ARHGEF11: variants seen among roughly 807,000 people sequenced by gnomAD.
ARHGEF11 encodes Rho guanine nucleotide exchange factor 11, also known as Rho guanine exchange factor (GEF) 11.
In ARHGEF11, 55 loss-of-function variants were observed where a neutral mutation model predicts 193.7. The ratio of observed to expected loss-of-function variants is 0.28; its 90% CI spans 0.23 to 0.36. The LOEUF is 0.36. Ranked by LOEUF, ARHGEF11 falls within the 10% of genes least tolerant of loss-of-function variation. The pLI, the probability that ARHGEF11 is intolerant of heterozygous loss-of-function variation, is 1.00. For synonymous variants in ARHGEF11, 693 were observed against 768.0 expected, an observed-to-expected ratio of 0.90 and a Z score of 1.62; for missense variants, 1,723 against 2,005.6, an observed-to-expected ratio of 0.86 and a Z score of 2.69.
chr1:157,030,066 G>T (rs767370874), intron 1 of ARHGEF11, among the ~76,000 whole-genome samples: 5 of 152,188 alleles, frequency 3.3e-5, no homozygotes, highest in Non-Finnish European at 5.9e-5. Flanking sequence ...AAATTAGACA[G>T]TGATGATGGT....
chr1:157,017,801 T>C (rs563764118), intron 1 of ARHGEF11, among the ~76,000 whole-genome samples: 5 of 151,624 alleles, frequency 3.3e-5, no homozygotes, highest in Non-Finnish European at 2.9e-5. Flanking sequence ...AGAGAGAATC[T>C]AACATCTGCT....
chr1:156,937,173 C>T, intron 39 of ARHGEF11, 76 bp downstream of exon 39: 2 of 1,598,624 alleles, frequency 1.3e-6, no homozygotes, highest in African/African-American at 1.3e-5. Context: ...CGCGAAGACA[C>T]ACATCTCACT....
At position 156,978,446 on chromosome 1, in the gene ARHGEF11, C is replaced by T. The variant is rs543556013; in HGVS notation, c.332-64G>A. The T allele has an allele frequency of 2.0e-6, 3 of 1,509,838 alleles. No individual in the cohort carries two copies. The South Asian group carries it at 4.1e-5, about 20-fold the overall frequency. 93.5% of individuals were successfully genotyped at this position (1,509,838 alleles called of 1,614,324 possible). Reference sequence around the variant, plus strand: ...GTTCTGGAGAGACAGTCCAGCTATACAGGAGGGGGCTGTTCTCCCTTGTCC... The same window carrying T: ...GTTCTGGAGAGACAGTCCAGCTATATAGGAGGGGGCTGTTCTCCCTTGTCC... On this transcript the variant is annotated intron_variant, in intron 5 of 40. Transcript: ENST00000368194.
At chr1:157,012,605 C>G (rs1380309589) in intron 1 of ARHGEF11, among the ~76,000 whole-genome samples, 1 of 152,186 alleles carries the variant, frequency 6.6e-6, no homozygotes, top group African/African-American at 2.4e-5. Context: ...AAGAGATTCT[C>G]AGAAGACACT....
intron 1 of ARHGEF11, among the ~76,000 whole-genome samples, chr1:157,005,802 TTCATTC>T (rs1406760371): frequency 6.6e-6 from 1 of 152,176 alleles, no homozygotes; most frequent in Non-Finnish European, 1.5e-5. Context: ...TTCCCTGGAG[TTCATTC>T]TAAAGAGACC....
At chr1:157,030,949 C>CCCTG (rs1671232114) in intron 1 of ARHGEF11, among the ~76,000 whole-genome samples, 1 of 151,704 alleles carries the variant, frequency 6.6e-6, no homozygotes, top group Non-Finnish European at 1.5e-5. Flanking sequence ...CCCGCCCCCG[C>CCCTG]CCTGGCCCAC....
rs555107712 is a variant in ARHGEF11, at chr1:156,954,008, G to A, written c.1798+884C>T. 3.9e-5 allele frequency among the ~76,000 whole-genome samples: 6 copies of A among 152,274 alleles called. No homozygotes were observed. The South Asian group carries it at 1.0e-3, about 26-fold the overall frequency. On this transcript the variant is annotated intron_variant, in intron 21 of 40. Coordinates refer to ENST00000368194, the MANE Select transcript of ARHGEF11 (RefSeq NM_198236.3). ...AACAAAAATATCCAAGAGAAAAACT[G>A]TTGGAGACCCATACTTTACATAAAA...
intron 22 of ARHGEF11, among the ~76,000 whole-genome samples, chr1:156,950,889 T>C (rs545594462): frequency 9.2e-5 from 14 of 152,344 alleles, no homozygotes; most frequent in African/African-American, 3.4e-4. Flanking sequence ...AGACATGACT[T>C]GACTGCTGTC....
intron 21 of ARHGEF11, among the ~76,000 whole-genome samples, chr1:156,953,682 C>CTA (rs1659458174): frequency 6.6e-6 from 1 of 152,098 alleles, no homozygotes; most frequent in African/African-American, 2.4e-5. Context: ...CTGTCTCTCT[C>CTA]TCTCTCTCTA....
chr1:156,958,656 G>C (rs1425597486), intron 17 of ARHGEF11, 86 bp downstream of exon 17: 11 of 1,567,896 alleles, frequency 7.0e-6, no homozygotes, highest in African/African-American at 6.7e-5. Flanking sequence ...AAGTGGAAGA[G>C]GGGGAGAGGT....
At chr1:157,016,114 C>A (rs372192814) in intron 1 of ARHGEF11, among the ~76,000 whole-genome samples, 1 of 152,190 alleles carries the variant, frequency 6.6e-6, no homozygotes, top group South Asian at 2.1e-4. Flanking sequence ...AAGACCTAAA[C>A]CCCCAGGTGT....
At chr1:157,030,070 T>C (rs1243236796) in intron 1 of ARHGEF11, among the ~76,000 whole-genome samples, 1 of 152,206 alleles carries the variant, frequency 6.6e-6, no homozygotes. Flanking sequence ...TAGACAGTGA[T>C]GATGGTTGCA....
In ARHGEF11 at chr1:157,044,734, C is replaced by G; in HGVS notation, c.-404G>C. On this transcript the variant is annotated 5_prime_UTR_variant, in exon 1 of 41. The change abolishes an upstream ATG in the 5' untranslated region. Transcript: ENST00000368194. ...GTTAACTGCAAAGTACAGATAAAAC[C>G]ATCCTTTAAATCCAGCTTTCTCAGC... 2.5e-6 allele frequency: 1 copy of G among 397,842 alleles called. No individual in the cohort carries two copies. The highest frequency in any genetic ancestry group is 1.3e-4 in the South Asian group (1 of 7,852). The allele number at this position is 397,842 out of a possible 1,614,324, so 24.6% of individuals were successfully genotyped here.
chr1:156,996,114 A>G (rs989910557), intron 1 of ARHGEF11, among the ~76,000 whole-genome samples: 2 of 152,206 alleles, frequency 1.3e-5, no homozygotes, highest in Non-Finnish European at 2.9e-5. Flanking sequence ...AACAAAGACT[A>G]ATAAACTAGA....
At chr1:156,986,219 G>T in intron 1 of ARHGEF11, 46 bp from the exon 2 acceptor site, 2 of 1,522,622 alleles carry the variant, frequency 1.3e-6, no homozygotes, top group Non-Finnish European at 1.8e-6. Flanking sequence ...CAGCAGGGGG[G>T]ATCAGCCTTG....
intron 1 of ARHGEF11, among the ~76,000 whole-genome samples, chr1:156,987,564 T>A (rs141163128): frequency 1.3e-5 from 2 of 152,336 alleles, no homozygotes; most frequent in African/African-American, 2.4e-5. Context: ...GGAGGGAAAC[T>A]GGGTGGCTGG....
intron 17 of ARHGEF11, 134 bp downstream of exon 17, chr1:156,958,608 G>A: frequency 1.5e-6 from 2 of 1,303,630 alleles, no homozygotes; most frequent in Non-Finnish European, 2.1e-6. Flanking sequence ...CAGGAGTGCA[G>A]GACTCCCCAT....
intron 1 of ARHGEF11, among the ~76,000 whole-genome samples, chr1:157,004,846 G>C (rs1667633239): frequency 1.3e-5 from 2 of 152,122 alleles, no homozygotes; most frequent in African/African-American, 4.8e-5. Flanking sequence ...AAAAATAAAA[G>C]GAATCCTGTG....
chr1:156,943,890 A>T, intron 32 of ARHGEF11, 45 bp downstream of exon 32: 1 of 1,574,802 alleles, frequency 6.3e-7, no homozygotes, highest in Admixed American at 1.8e-5. Flanking sequence ...CTTGCTGGAC[A>T]TGGTCCCTGA....
Sources: allele counts gnomAD v4.1 joint callset (sites outside exome capture counted in the v4.1 genomes callset), GRCh38; gene constraint gnomAD v4.1.1; transcripts MANE v1.5; gene names NCBI Gene and HGNC (gene_info 2026-07-23, HGNC 2026-07-21).